TTC7B: variants seen among roughly 807,000 people sequenced by gnomAD.
TTC7B encodes tetratricopeptide repeat protein 7B.
TTC7B carries 28 observed loss-of-function variants against 106.8 expected under a neutral mutation model. The observed-to-expected ratio is 0.26, with a 90% confidence interval of 0.19 to 0.36. The LOEUF is 0.36. Ranked by LOEUF, TTC7B falls within the 10% of genes least tolerant of loss-of-function variation. The pLI is 1.00. For missense variants in TTC7B, 862 were observed against 1,076.4 expected, an observed-to-expected ratio of 0.80 and a Z score of 2.79; for synonymous variants, 405 against 430.6, an observed-to-expected ratio of 0.94 and a Z score of 0.74.
intron 3 of TTC7B, among the ~76,000 whole-genome samples, chr14:90,771,726 T>C (rs1218449903): frequency 2.6e-5 from 4 of 151,718 alleles, no homozygotes; most frequent in Admixed American, 2.6e-4. Context: ...AAAAAGAATA[T>C]AAAATAGTAT....
intron 3 of TTC7B, among the ~76,000 whole-genome samples, chr14:90,749,029 T>A (rs950883490): frequency 6.6e-6 from 1 of 152,230 alleles, no homozygotes; most frequent in South Asian, 2.1e-4. Flanking sequence ...GTTTGCTTTT[T>A]TCCCCCTCCA....
rs370170852 is a variant in TTC7B at position 90,598,623 on chromosome 14, G to A, written c.1967-4997C>T. The stretch of plus-strand genomic sequence containing the variant: ...CCCTTCCTGAGGTTTTCTGACCCGT[G>A]CTCCTATTGTACACTGAGGGCTGTT... On this transcript the variant is annotated intron_variant, in intron 17 of 19. Coordinates refer to ENST00000328459, the MANE Select transcript of TTC7B (RefSeq NM_001010854.2). Among the ~76,000 whole-genome samples the A allele has an allele frequency of 2.0e-5, 3 of 152,340 alleles. No homozygotes were observed. The East Asian group carries it at 5.8e-4, about 29-fold the overall frequency.
At chr14:90,561,313 G>A (rs1393201919) in intron 19 of TTC7B, among the ~76,000 whole-genome samples, 1 of 152,242 alleles carries the variant, frequency 6.6e-6, no homozygotes, top group Non-Finnish European at 1.5e-5. Context: ...GGCAAGGGTG[G>A]ACCCCAGGCA....
intron 19 of TTC7B, among the ~76,000 whole-genome samples, chr14:90,561,167 T>C (rs914840238): frequency 6.6e-6 from 1 of 152,242 alleles, no homozygotes; most frequent in Admixed American, 6.5e-5. Context: ...GCAGTGGGCA[T>C]GCTCCGCTCC....
intron 13 of TTC7B, among the ~76,000 whole-genome samples, chr14:90,650,617 C>G (rs998501500): frequency 6.6e-6 from 1 of 152,224 alleles, no homozygotes; most frequent in African/African-American, 2.4e-5. Flanking sequence ...CACCATGCCA[C>G]CCCTGCCTCC....
intron 19 of TTC7B, among the ~76,000 whole-genome samples, chr14:90,560,349 G>A (rs1890518552): frequency 6.6e-6 from 1 of 152,240 alleles, no homozygotes; most frequent in South Asian, 2.1e-4. Context: ...CAGCTGCACT[G>A]CATGCAAGTG....
At chr14:90,628,938 G>A (rs1404673533) in intron 15 of TTC7B, among the ~76,000 whole-genome samples, 2 of 152,260 alleles carry the variant, frequency 1.3e-5, no homozygotes, top group Non-Finnish European at 2.9e-5. Flanking sequence ...CCCTGAAGGT[G>A]AGCGATTCTT....
In TTC7B at chr14:90,676,695, G is replaced by C. The variant is rs201213658; in HGVS notation, c.1015-35C>G. On this transcript the variant is annotated intron_variant, in intron 8 of 19. Coordinates refer to ENST00000328459, the MANE Select transcript of TTC7B (RefSeq NM_001010854.2). ...CATGGAATAGAGAAGCAGATGGAGA[G>C]AGAACCTAGTGCTGCATGGCGGGGA... is the stretch of plus-strand genomic sequence containing the variant. The C allele has an allele frequency of 3.1e-6, 5 of 1,608,460 alleles. No individual in the cohort carries two copies. In the East Asian group the frequency reaches 8.9e-5, roughly 29 times the overall value.
At chr14:90,707,722 T>C (rs778303133) in intron 5 of TTC7B, among the ~76,000 whole-genome samples, 2 of 152,160 alleles carry the variant, frequency 1.3e-5, no homozygotes, top group African/African-American at 4.8e-5. Context: ...CAAAGCCTAA[T>C]CTAGAGCAAG....
intron 2 of TTC7B, among the ~76,000 whole-genome samples, chr14:90,784,970 G>T (rs541393079): frequency 6.6e-5 from 10 of 152,278 alleles, no homozygotes; most frequent in African/African-American, 2.2e-4. Flanking sequence ...CTTACTCAAA[G>T]GTTGCCCAGG....
At chr14:90,573,262 G>T (rs1363213869) in intron 19 of TTC7B, among the ~76,000 whole-genome samples, 1 of 152,150 alleles carries the variant, frequency 6.6e-6, no homozygotes, top group South Asian at 2.1e-4. Flanking sequence ...GCAGGTGGAC[G>T]CAGCAGTTCT....
At chr14:90,687,071 C>T (rs1356931437) in intron 7 of TTC7B, among the ~76,000 whole-genome samples, 3 of 151,206 alleles carry the variant, frequency 2.0e-5, no homozygotes, top group Non-Finnish European at 4.4e-5. Context: ...AAGGTGACAG[C>T]TAAGAGGTGC....
At position 90,652,876 on chromosome 14, in the gene TTC7B, C is replaced by A; in HGVS notation, c.1482G>T (p.Glu494Asp). Reference sequence around the variant, plus strand: ...CAAGAAGCGCCTTTCTCTGTAGGACCTCCTGCATCCCTCGCAAAGAAGCTA... The same window carrying A: ...CAAGAAGCGCCTTTCTCTGTAGGACATCCTGCATCCCTCGCAAAGAAGCTA... ...ATDASLRGMQ[E>D]VLQRKALLAF... The change falls in exon 13 of 20, where the codon GAG becomes GAT. Residue 494 changes from glutamate to aspartate, a missense_variant. By Grantham distance (45) the Glu-to-Asp change is conservative. Transcript: ENST00000328459. 6.2e-7 allele frequency: 1 copy of A among 1,614,242 alleles called. No homozygotes were observed. The highest frequency in any genetic ancestry group is 8.5e-7 in the Non-Finnish European group (1 of 1,180,044).
chr14:90,603,439 A>C, intron 17 of TTC7B: 1 of 501,924 alleles, frequency 2.0e-6, no homozygotes, highest in Non-Finnish European at 3.2e-6. Flanking sequence ...TCATATTTCC[A>C]TTCAAGAGTG....
chr14:90,781,993 T>C (rs1891234223), intron 2 of TTC7B, among the ~76,000 whole-genome samples: 2 of 152,232 alleles, frequency 1.3e-5, no homozygotes. Context: ...GGTTCAAAGC[T>C]GAGGTTTTTG....
At position 90,608,295 on chromosome 14, in the gene TTC7B, C is replaced by T. The variant is rs1039021636; in HGVS notation, c.1966+2447G>A. ...CCCTCGTTTACAAATATGATAAGGC[C>T]TCCTAAAATGGCCTTCCATTTTTCT... On this transcript the variant is annotated intron_variant, in intron 17 of 19. Coordinates refer to ENST00000328459, the MANE Select transcript of TTC7B (RefSeq NM_001010854.2). This position sits in a 1 kb window ranked among gnomAD's most constrained non-coding sequence, Gnocchi z 5.1. Among the ~76,000 whole-genome samples the T allele has an allele frequency of 3.3e-4, 51 of 152,306 alleles. No homozygotes were observed. The highest frequency in any genetic ancestry group is 1.2e-3 in the African/African-American group (51 of 41,552).
At chr14:90,563,845 A>C (rs971393378) in intron 19 of TTC7B, among the ~76,000 whole-genome samples, 1 of 152,170 alleles carries the variant, frequency 6.6e-6, no homozygotes, top group East Asian at 1.9e-4. Flanking sequence ...CATCCACAAG[A>C]AGCAATGCCT....
intron 5 of TTC7B, among the ~76,000 whole-genome samples, chr14:90,711,210 T>C (rs1888431525): frequency 6.6e-6 from 1 of 152,236 alleles, no homozygotes; most frequent in South Asian, 2.1e-4. Flanking sequence ...AAAGACTGTA[T>C]AAATATTGTT....
chr14:90,813,007 T>A lies in TTC7B; in HGVS notation c.121+3168A>T, dbSNP rs114973940. 5.9e-3 allele frequency among the ~76,000 whole-genome samples: 895 copies of A among 152,192 alleles called. 13 individuals carry two copies. The highest frequency in any genetic ancestry group is 0.021 in the African/African-American group (859 of 41,522). ...GAGCTTTGGGAAGGAGGGATTCCTC[T>A]GCTCAGAACTCTCCCATAGCCCTGT... On this transcript the variant is annotated intron_variant, in intron 1 of 19. Transcript: ENST00000328459.
Sources: allele counts gnomAD v4.1 joint callset (sites outside exome capture counted in the v4.1 genomes callset), GRCh38; gene constraint gnomAD v4.1.1; non-coding constraint Gnocchi (gnomAD v3.1); transcripts MANE v1.5; gene names NCBI Gene and HGNC (gene_info 2026-07-23, HGNC 2026-07-21).